Variants in PID1 observed in about 807,000 individuals in gnomAD.
The protein encoded by PID1 is phosphotyrosine interaction domain containing 1, also known as PTB-containing, cubilin and LRP1-interacting protein.
Under a neutral mutation model 19.1 loss-of-function variants are expected in PID1, and 10 were observed. The ratio of observed to expected loss-of-function variants is 0.52; its 90% CI spans 0.32 to 0.89. The LOEUF is 0.89. Among genes scored for constraint, PID1 ranks in the 40% least tolerant of loss-of-function variants. The pLI is 0.03. For missense variants in PID1, 248 were observed against 285.3 expected (o/e 0.87, Z 0.94); for synonymous variants, 130 against 116.0 (o/e 1.12, Z -0.78).
chr2:229,165,584 A>T (rs1206421648), intron 1 of PID1, among the ~76,000 whole-genome samples: 1 of 147,812 alleles, frequency 6.8e-6, no homozygotes, highest in Non-Finnish European at 1.5e-5. Flanking sequence ...AGTCTCAAAA[A>T]TAAAAAAAAA....
chr2:229,081,321 C>T (rs1206503253), intron 2 of PID1, among the ~76,000 whole-genome samples: 1 of 152,158 alleles, frequency 6.6e-6, no homozygotes, highest in Non-Finnish European at 1.5e-5. Context: ...AGCTTGGACT[C>T]TTGCAGGGAA....
At chr2:229,141,652 A>C (rs76634673) in intron 2 of PID1, among the ~76,000 whole-genome samples, 1 of 149,476 alleles carries the variant, frequency 6.7e-6, no homozygotes, top group Non-Finnish European at 1.5e-5. Flanking sequence ...TGGGGGGGGA[A>C]CTAATTTCAG....
intron 1 of PID1, among the ~76,000 whole-genome samples, chr2:229,197,167 C>G (rs939320313): frequency 6.6e-6 from 1 of 152,006 alleles, no homozygotes; most frequent in African/African-American, 2.4e-5. Context: ...GAGATACTAA[C>G]AAGCCACTTT....
chr2:229,139,023 GAAAGAAAGAAAGAAAGAGAA>G (rs1689925816), intron 2 of PID1, among the ~76,000 whole-genome samples: 2 of 81,886 alleles, frequency 2.4e-5, no homozygotes, highest in African/African-American at 9.0e-5. Context: ...AAGAAAGAAA[GAAAGAAAGAAAGAAAGAGAA>G]AGAAAGAAAG....
At chr2:229,241,140 T>C (rs1689855699) in intron 1 of PID1, among the ~76,000 whole-genome samples, 2 of 152,182 alleles carry the variant, frequency 1.3e-5, no homozygotes, top group African/African-American at 4.8e-5. Context: ...AACAAATTAA[T>C]AGTAGCTGTT....
chr2:229,230,244 G>C (rs370956509), intron 1 of PID1, among the ~76,000 whole-genome samples: 23 of 152,290 alleles, frequency 1.5e-4, no homozygotes, highest in African/African-American at 5.5e-4. Context: ...ACTGTAATTT[G>C]GTGCCAAAAG....
intron 1 of PID1, among the ~76,000 whole-genome samples, chr2:229,216,387 G>C (rs150575135): frequency 6.6e-6 from 1 of 152,256 alleles, no homozygotes; most frequent in Admixed American, 6.5e-5. Context: ...TCATTGTTTT[G>C]GGTGTTCTGA....
rs1340303688 is a variant in PID1 at position 229,037,293 on chromosome 2, C to T, written c.178-11185G>A. ...TACCACGGAGGAAAAAGCAAATTTACCAAGACCCAATATCAAGGAATAACT... is the reference window on the plus strand; with the variant it reads ...TACCACGGAGGAAAAAGCAAATTTATCAAGACCCAATATCAAGGAATAACT... On this transcript the variant is annotated intron_variant, in intron 2 of 2. Coordinates refer to ENST00000392055, the MANE Select transcript of PID1 (RefSeq NM_001100818.2). Among the ~76,000 whole-genome samples, 3 of 152,164 alleles carry T rather than the reference C, an allele frequency of 2.0e-5. No individual in the cohort carries two copies. The East Asian group carries it at 5.8e-4, about 29-fold the overall frequency.
chr2:229,270,339 C>A (rs1690701957), intron 1 of PID1, among the ~76,000 whole-genome samples: 1 of 152,182 alleles, frequency 6.6e-6, no homozygotes, highest in Non-Finnish European at 1.5e-5. Flanking sequence ...TCTCTTCAAT[C>A]GCCTCCCGCA....
At chr2:229,249,289 C>T (rs1239794534) in intron 1 of PID1, among the ~76,000 whole-genome samples, 1 of 152,130 alleles carries the variant, frequency 6.6e-6, no homozygotes, top group African/African-American at 2.4e-5. Flanking sequence ...CATTTTCCCC[C>T]ATTAACATGT....
intron 1 of PID1, among the ~76,000 whole-genome samples, chr2:229,231,046 G>C (rs1243592161): frequency 1.3e-5 from 2 of 151,930 alleles, no homozygotes; most frequent in Non-Finnish European, 2.9e-5. Flanking sequence ...AGCAACCACA[G>C]CCACATGAGC....
chr2:229,066,463 A>G (rs569676942), intron 2 of PID1, among the ~76,000 whole-genome samples: 3 of 152,294 alleles, frequency 2.0e-5, no homozygotes, highest in East Asian at 3.9e-4. Context: ...AAAATAGCCA[A>G]TTTTTGAAAA....
chr2:229,169,545 C>T (rs529652485), intron 1 of PID1, among the ~76,000 whole-genome samples: 1 of 152,078 alleles, frequency 6.6e-6, no homozygotes, highest in South Asian at 2.1e-4. Context: ...TTGAGGAATG[C>T]TATATGTTTG....
At chr2:229,032,367 C>A (rs1442980376) in intron 2 of PID1, among the ~76,000 whole-genome samples, 1 of 152,214 alleles carries the variant, frequency 6.6e-6, no homozygotes, top group Non-Finnish European at 1.5e-5. Context: ...GGTTCCGCAA[C>A]TAACATAGCT....
At chr2:229,104,989 T>C (rs185936575) in intron 2 of PID1, among the ~76,000 whole-genome samples, 158 of 152,342 alleles carry the variant, frequency 1.0e-3, no homozygotes, top group Non-Finnish European at 1.6e-3. Flanking sequence ...ACAAACGCAC[T>C]GCTCTGACAA....
chr2:229,045,928 T>C (rs559323781), intron 2 of PID1, among the ~76,000 whole-genome samples: 7 of 152,300 alleles, frequency 4.6e-5, no homozygotes, highest in Admixed American at 6.5e-5. Flanking sequence ...TAGGTTGCAA[T>C]TGCTGAGGCT....
rs150337418 is a variant in PID1 at position 229,094,983 on chromosome 2, C to A, written c.177+60835G>T. ...TTACATGTATTATCCCCACCACACT[C>A]TAATAACAGATAGCGTGAGCCCCAT... On this transcript the variant is annotated intron_variant, in intron 2 of 2. Transcript: ENST00000392055. 5.2e-4 allele frequency among the ~76,000 whole-genome samples: 79 copies of A among 152,292 alleles called. 1 individual carries two copies. The highest frequency in any genetic ancestry group is 1.8e-3 in the African/African-American group (75 of 41,558).
In PID1 at chr2:229,025,564, T is replaced by C. The variant is rs1693395320; in HGVS notation, c.*68A>G. 1.0e-5 allele frequency: 12 copies of C among 1,197,276 alleles called. No individual in the cohort carries two copies. In the South Asian group the frequency reaches 1.7e-4, roughly 17 times the overall value. 74.2% of individuals were successfully genotyped at this position (1,197,276 alleles called of 1,614,324 possible). The stretch of plus-strand genomic sequence containing the variant: ...GTCTTTTCATCCCAAATTTGAAACG[T>C]TGCTTACTCATCTATTCCCTTGAAC... On this transcript the variant is annotated 3_prime_UTR_variant, in exon 3 of 3. Transcript: ENST00000392055.
At chr2:229,263,508 C>T (rs984707689) in intron 1 of PID1, among the ~76,000 whole-genome samples, 3 of 152,130 alleles carry the variant, frequency 2.0e-5, no homozygotes, top group Non-Finnish European at 4.4e-5. Context: ...AATCCTTGGA[C>T]CAGTATGAGA....
Sources: gnomAD v4.1 joint callset for allele counts (sites outside exome capture counted in the v4.1 genomes callset) on GRCh38, gnomAD v4.1.1 for gene constraint, MANE v1.5 for transcripts, NCBI Gene and HGNC (gene_info 2026-07-23, HGNC 2026-07-21) for gene names.